The following FSTL4 variants were observed in gnomAD, a reference collection of about 807,000 sequenced individuals.
FSTL4 encodes follistatin-related protein 4.
Under a neutral mutation model 78.2 loss-of-function variants are expected in FSTL4, and 28 were observed. The observed-to-expected ratio is 0.36, with a 90% CI of 0.27 to 0.49. The LOEUF is 0.49. Among genes scored for constraint, FSTL4 ranks in the 20% least tolerant of loss-of-function variants. The probability of loss-of-function intolerance (pLI) is 0.98; values close to 1 mark genes in which losing one functional copy is unlikely to be tolerated. For missense variants in FSTL4, 922 were observed against 1,084.9 expected (o/e 0.85, Z 2.11); for synonymous variants, 422 against 440.5 (o/e 0.96, Z 0.53).
chr5:133,444,242 A>T (rs1430131202), intron 3 of FSTL4, among the ~76,000 whole-genome samples: 2 of 152,246 alleles, frequency 1.3e-5, no homozygotes, highest in Admixed American at 6.5e-5. Context: ...TCTTGCCCAC[A>T]GTCCCCATGG....
the FSTL4 span, among the ~76,000 whole-genome samples, chr5:133,773,484 A>G: frequency 6.6e-6 from 1 of 152,296 alleles, no homozygotes; most frequent in Non-Finnish European, 1.5e-5. Context: ...AAGACAGAGT[A>G]TTTATTCCCT....
Position 133,225,740 on chromosome 5 carries a change from C to T in FSTL4, c.1095G>A (p.Glu365=). 2 of 1,612,370 alleles carry T rather than the reference C, an allele frequency of 1.2e-6. No individual in the cohort carries two copies. Among genetic ancestry groups the T allele is most frequent in the Non-Finnish European group, 1.7e-6 (2 of 1,179,106 alleles). The stretch of plus-strand genomic sequence containing the variant: ...AAGTGATTCTGGGCATGGGAATGCC[C>T]TCAGCATGGCATCTTAGGCTGGCTG... ...GVAASLRCHA[E]GIPMPRITWL... is the part of the protein sequence containing the mutation. Residue 365 remains glutamate (E), a synonymous_variant, in exon 9 of 16, where the codon GAG becomes GAA. Coordinates refer to ENST00000265342, the MANE Select transcript of FSTL4 (RefSeq NM_015082.2). The surrounding 1 kb of genome is among the most constrained non-coding windows in gnomAD (Gnocchi z 4.6).
At chr5:133,485,320 G>C (rs1758109844) in intron 3 of FSTL4, among the ~76,000 whole-genome samples, 1 of 152,196 alleles carries the variant, frequency 6.6e-6, no homozygotes, top group South Asian at 2.1e-4. Flanking sequence ...TATCTGCCTG[G>C]AGACTCACAG....
At position 133,225,838 on chromosome 5, in the gene FSTL4, G is replaced by A. The variant is rs1360955282; in HGVS notation, c.1016-19C>T. The A allele has an allele frequency of 6.5e-7, 1 of 1,528,880 alleles. No homozygotes were observed. Among genetic ancestry groups the A allele is most frequent in the Admixed American group, 2.1e-5 (1 of 47,226 alleles). The allele number at this position is 1,528,880 out of a possible 1,614,324, so 94.7% of individuals were successfully genotyped here. Reference sequence around the variant, plus strand: ...GGCGGCACTGTGGGTGAGAGTCAGTGCTGGTGAGAAAGAGACGGCCCTGAC... The same window carrying A: ...GGCGGCACTGTGGGTGAGAGTCAGTACTGGTGAGAAAGAGACGGCCCTGAC... On this transcript the variant is annotated intron_variant, in intron 8 of 15. Transcript: ENST00000265342. This position sits in a 1 kb window ranked among gnomAD's most constrained non-coding sequence, Gnocchi z 4.6.
chr5:133,241,388 T>C (rs1194563343), intron 7 of FSTL4, among the ~76,000 whole-genome samples: 7 of 152,254 alleles, frequency 4.6e-5, no homozygotes, highest in Admixed American at 1.3e-4. Context: ...AGGGAAGTTC[T>C]GACCTAGTGG....
At chr5:133,478,171 G>A (rs1757958952) in intron 3 of FSTL4, among the ~76,000 whole-genome samples, 1 of 152,194 alleles carries the variant, frequency 6.6e-6, no homozygotes, top group Non-Finnish European at 1.5e-5. Context: ...GTGTGGGAAT[G>A]AGCCACATAA....
chr5:133,486,644 C>A (rs183757984), intron 3 of FSTL4, among the ~76,000 whole-genome samples: 10 of 152,244 alleles, frequency 6.6e-5, no homozygotes, highest in Non-Finnish European at 1.2e-4. Context: ...CCCTGGTGAC[C>A]CTTTACAGTT....
At chr5:133,586,168 C>CAGT (rs1282531741) in intron 2 of FSTL4, among the ~76,000 whole-genome samples, 3 of 78,590 alleles carry the variant, frequency 3.8e-5, no homozygotes, top group Non-Finnish European at 7.9e-5. Context: ...TAAATGCCTA[C>CAGT]AAGAGAAAGC....
At chr5:133,325,349 G>A (rs192491941) in intron 4 of FSTL4, among the ~76,000 whole-genome samples, 1 of 152,310 alleles carries the variant, frequency 6.6e-6, no homozygotes, top group Admixed American at 6.5e-5. Flanking sequence ...GGTCAAGGTG[G>A]GTGGGGGGAA....
intron 7 of FSTL4, 116 bp downstream of exon 7, chr5:133,249,294 C>T (rs1465568768): frequency 2.5e-6 from 2 of 811,244 alleles, no homozygotes; most frequent in Admixed American, 4.0e-5. Flanking sequence ...AGAAAAGCAC[C>T]AAACACAGGA....
chr5:133,486,561 C>T (rs1758141741), intron 3 of FSTL4, among the ~76,000 whole-genome samples: 1 of 152,182 alleles, frequency 6.6e-6, no homozygotes, highest in South Asian at 2.1e-4. Context: ...TGAAGAAAAA[C>T]GTGTTTCCCT....
chr5:133,697,463 T>C, the FSTL4 span, among the ~76,000 whole-genome samples: 1 of 152,178 alleles, frequency 6.6e-6, no homozygotes, highest in Non-Finnish European at 1.5e-5. Flanking sequence ...ATCCTCTCTG[T>C]CTTGGAAGCA....
At chr5:133,235,154 G>A (rs1413707765) in intron 7 of FSTL4, among the ~76,000 whole-genome samples, 1 of 152,054 alleles carries the variant, frequency 6.6e-6, no homozygotes, top group African/African-American at 2.4e-5. Context: ...CACTCCAGAG[G>A]GCCCGGCCAC....
the FSTL4 span, among the ~76,000 whole-genome samples, chr5:133,740,296 C>T: frequency 2.0e-5 from 3 of 152,140 alleles, no homozygotes; most frequent in African/African-American, 7.2e-5. Flanking sequence ...GTGGGGCAGG[C>T]ATTCTCTCCT....
chr5:133,467,025 AGT>A (rs770670770), intron 3 of FSTL4, among the ~76,000 whole-genome samples: 3 of 151,024 alleles, frequency 2.0e-5, no homozygotes, highest in Non-Finnish European at 4.4e-5. Flanking sequence ...AGCATGTGTG[AGT>A]GTATGTGAGA....
chr5:133,502,583 T>G (rs1758522111), intron 3 of FSTL4, among the ~76,000 whole-genome samples: 1 of 152,114 alleles, frequency 6.6e-6, no homozygotes, highest in African/African-American at 2.4e-5. Context: ...AACTCCCCAG[T>G]GCTGTTCATG....
At chr5:133,358,505 C>T (rs1264464319) in intron 4 of FSTL4, among the ~76,000 whole-genome samples, 1 of 151,852 alleles carries the variant, frequency 6.6e-6, no homozygotes, top group East Asian at 1.9e-4. Context: ...ATGCCAAGTG[C>T]TGTCCTCCCC....
chr5:133,560,247 C>A (rs1225364967), intron 3 of FSTL4, among the ~76,000 whole-genome samples: 1 of 152,224 alleles, frequency 6.6e-6, no homozygotes, highest in East Asian at 1.9e-4. Context: ...AGCTATCCAC[C>A]ACAAGGTCCT....
chr5:133,580,552 G>A (rs1022524267), intron 2 of FSTL4, among the ~76,000 whole-genome samples: 1 of 152,152 alleles, frequency 6.6e-6, no homozygotes, highest in African/African-American at 2.4e-5. Flanking sequence ...GAAGTGCCAC[G>A]GTGCAAAATG....
Sources: allele counts gnomAD v4.1 joint callset (sites outside exome capture counted in the v4.1 genomes callset), GRCh38; gene constraint gnomAD v4.1.1; non-coding constraint Gnocchi (gnomAD v3.1); transcripts MANE v1.5; gene names NCBI Gene and HGNC (gene_info 2026-07-23, HGNC 2026-07-21).